CLDN10: variants seen among roughly 807,000 people sequenced by gnomAD.
CLDN10 encodes the protein claudin 10, also known as claudin-10.
In CLDN10, 15 loss-of-function variants were observed where a neutral mutation model predicts 22.9. The ratio of observed to expected loss-of-function variants is 0.65; its 90% CI spans 0.44 to 1.01. CLDN10 has a LOEUF of 1.01. CLDN10 is among the 50% of genes least tolerant of loss of function. The probability of loss-of-function intolerance (pLI) is 0.00; values close to 1 mark genes in which losing one functional copy is unlikely to be tolerated. For missense variants in CLDN10, 247 were observed against 287.8 expected (o/e 0.86, Z 1.03); for synonymous variants, 114 against 111.4 (o/e 1.02, Z -0.15).
chr13:95,532,787 T>C (rs9516599), intron 1 of CLDN10, among the ~76,000 whole-genome samples: 117,141 of 123,956 alleles, frequency 0.95, 55,817 homozygotes, highest in East Asian at 1. Flanking sequence ...TGGAACTCAA[T>C]TCAGCAAAAA....
chr13:95,548,597 TATC>T (rs2043533861), upstream of CLDN10, among the ~76,000 whole-genome samples: 1 of 152,190 alleles, frequency 6.6e-6, no homozygotes, highest in African/African-American at 2.4e-5. Flanking sequence ...AGATTACAAA[TATC>T]ATTGGATTTG....
intron 1 of CLDN10, among the ~76,000 whole-genome samples, chr13:95,525,892 C>T (rs1307688500): frequency 1.3e-5 from 2 of 152,078 alleles, no homozygotes; most frequent in East Asian, 3.9e-4. Flanking sequence ...GCTTTGTGCG[C>T]CTGTACTTTC....
chr13:95,573,339 G>A (rs2043885354), intron 3 of CLDN10, among the ~76,000 whole-genome samples: 1 of 152,210 alleles, frequency 6.6e-6, no homozygotes, highest in Non-Finnish European at 1.5e-5. Context: ...GAAAGTCATG[G>A]ATATGGATTG....
chr13:95,553,145 C>T (rs1342304821), intron 1 of CLDN10, among the ~76,000 whole-genome samples, 172 bp downstream of exon 1: 1 of 152,316 alleles, frequency 6.6e-6, no homozygotes, highest in East Asian at 1.9e-4. Flanking sequence ...TGGTGCCCGC[C>T]CTCTCCTGAT....
intron 1 of CLDN10, among the ~76,000 whole-genome samples, chr13:95,502,281 C>T (rs1191695562): frequency 3.9e-5 from 6 of 152,130 alleles, no homozygotes; most frequent in Non-Finnish European, 7.4e-5. Context: ...ATTGCAGTAA[C>T]ACTTCGAATC....
Position 95,578,192 on chromosome 13 carries a change from T to C in CLDN10, c.*178T>C. ...TACATAGTTAGTTATATACTAATCA[T>C]TTTCTGTTGTGGCTTTCTATAAAAA... On this transcript the variant is annotated 3_prime_UTR_variant, in exon 5 of 5. Coordinates refer to ENST00000299339, the MANE Select transcript of CLDN10 (RefSeq NM_006984.5). 1 of 412,228 alleles carries C rather than the reference T, an allele frequency of 2.4e-6. No individual in the cohort carries two copies. The highest frequency in any genetic ancestry group is 4.3e-6 in the Non-Finnish European group (1 of 231,466). The allele number at this position is 412,228 out of a possible 1,614,324, so 25.5% of individuals were successfully genotyped here. A position where few individuals can be genotyped will look rare whatever the true frequency, so the allele number is the denominator to read the frequency against.
intron 1 of CLDN10, among the ~76,000 whole-genome samples, chr13:95,473,226 A>G (rs996307786): frequency 2.0e-5 from 3 of 150,846 alleles, no homozygotes; most frequent in African/African-American, 7.3e-5. Context: ...TTCCGTGTGT[A>G]TTACTAACAA....
chr13:95,482,836 T>G (rs7333201), intron 1 of CLDN10, among the ~76,000 whole-genome samples: 89,841 of 151,542 alleles, frequency 0.59, 27,822 homozygotes, highest in African/African-American at 0.79. Context: ...AAAATTAGCT[T>G]GGCATGGTGG....
rs2043982135 is a variant in CLDN10, at chr13:95,579,283, T to C, written c.*1269T>C. On this transcript the variant is annotated 3_prime_UTR_variant, in exon 5 of 5. Coordinates refer to ENST00000299339, the MANE Select transcript of CLDN10 (RefSeq NM_006984.5). ...GAGACTTGTCATTTCTAAAGACATT[T>C]AAGTTGCTCCAGGGATTTCTGAAAA... The C allele has an allele frequency of 6.6e-6, 1 of 152,194 alleles. No homozygotes were observed. The highest frequency in any genetic ancestry group is 2.4e-5 in the African/African-American group (1 of 41,430). 9.4% of individuals were successfully genotyped at this position (152,194 alleles called of 1,614,324 possible).
chr13:95,442,400 G>A (rs1399034070), intron 1 of CLDN10, among the ~76,000 whole-genome samples: 4 of 152,116 alleles, frequency 2.6e-5, no homozygotes, highest in Non-Finnish European at 4.4e-5. Context: ...TGCGTGTCTT[G>A]TCATATTTTT....
exon 1 of CLDN10, chr13:95,434,010 C>T: frequency 1.2e-6 from 2 of 1,614,156 alleles, no homozygotes; most frequent in Non-Finnish European, 1.7e-6. Flanking sequence ...TGGGTTCTTT[C>T]CATTGCCGAC....
At chr13:95,462,732 T>A (rs1406457310) in intron 1 of CLDN10, among the ~76,000 whole-genome samples, 1 of 152,190 alleles carries the variant, frequency 6.6e-6, no homozygotes, top group East Asian at 1.9e-4. Flanking sequence ...TTCCACCTCA[T>A]TCTAAATAAC....
rs181550676 is a variant in CLDN10, at chr13:95,516,701, T to C, written c.215-43431T>C. ...CTCAAGGACTTCTTCGGGGCAGCAGTGAAACCTGTCAGGCAGCTATGGAAA... is the reference window on the plus strand; with the variant it reads ...CTCAAGGACTTCTTCGGGGCAGCAGCGAAACCTGTCAGGCAGCTATGGAAA... On this transcript the variant is annotated intron_variant, in intron 1 of 4. Transcript: ENST00000376873. Among the ~76,000 whole-genome samples, 30 of 152,308 alleles carry C rather than the reference T, an allele frequency of 2.0e-4. No individual in the cohort carries two copies. The South Asian group carries it at 2.7e-3, about 14-fold the overall frequency.
intron 1 of CLDN10, among the ~76,000 whole-genome samples, chr13:95,504,942 C>T (rs1323663934): frequency 6.6e-6 from 1 of 152,214 alleles, no homozygotes; most frequent in Non-Finnish European, 1.5e-5. Context: ...AAGGAGACGT[C>T]AGATTAAAGG....
intron 1 of CLDN10, among the ~76,000 whole-genome samples, chr13:95,435,070 A>G (rs1161741851): frequency 1.3e-5 from 2 of 152,178 alleles, no homozygotes; most frequent in Non-Finnish European, 2.9e-5. Context: ...TAGAAACTCT[A>G]TTACAAGTGT....
chr13:95,433,799 T>C, exon 1 of CLDN10: 2 of 1,610,812 alleles, frequency 1.2e-6, no homozygotes, highest in Non-Finnish European at 1.7e-6. Flanking sequence ...CAAAGCGTTC[T>C]GACCGGACAG....
intron 1 of CLDN10, among the ~76,000 whole-genome samples, chr13:95,559,658 A>T (rs1033996952): frequency 6.6e-6 from 1 of 152,212 alleles, no homozygotes; most frequent in Non-Finnish European, 1.5e-5. Context: ...TTATCATTTG[A>T]TAATGTCAAA....
intron 1 of CLDN10, among the ~76,000 whole-genome samples, chr13:95,469,146 G>T (rs1417080345): frequency 2.0e-4 from 30 of 147,318 alleles, no homozygotes; most frequent in African/African-American, 7.3e-4. Flanking sequence ...TCTTCCTCTG[G>T]CATTTACCCC....
At chr13:95,548,245 G>A (rs1300965153), upstream of CLDN10, among the ~76,000 whole-genome samples, 5 of 152,164 alleles carry the variant, frequency 3.3e-5, no homozygotes, top group East Asian at 1.9e-4. Flanking sequence ...TTCCAGGCTC[G>A]AAGGGTATTC....
Sources: gnomAD v4.1 joint callset for allele counts (sites outside exome capture counted in the v4.1 genomes callset) on GRCh38, gnomAD v4.1.1 for gene constraint, MANE v1.5 for transcripts, NCBI Gene and HGNC (gene_info 2026-07-23, HGNC 2026-07-21) for gene names.